The following NRIP1 variants were observed in gnomAD, a reference collection of about 807,000 sequenced individuals.
NRIP1 encodes nuclear receptor interacting protein 1.
NRIP1 carries 28 observed loss-of-function variants against 75.0 expected under a neutral mutation model. The observed-to-expected ratio is 0.37, with a 90% CI of 0.28 to 0.51. NRIP1 has a LOEUF of 0.51. NRIP1 is among the 20% of genes least tolerant of loss of function. The pLI is 0.92. For synonymous variants in NRIP1, 526 were observed against 487.6 expected, an observed-to-expected ratio of 1.08 and a Z score of -1.04; for missense variants, 1,435 against 1,343.7, an observed-to-expected ratio of 1.07 and a Z score of -1.06.
At chr21:15,051,142 T>C (rs969939009) in intron 1 of NRIP1, 6 of 341,110 alleles carry the variant, frequency 1.8e-5, no homozygotes, top group African/African-American at 1.3e-4. Context: ...ACTGGGGCTT[T>C]CTCATGTGGC....
intron 1 of NRIP1, among the ~76,000 whole-genome samples, chr21:15,055,304 T>A (rs1023312772): frequency 2.6e-5 from 4 of 152,214 alleles, no homozygotes; most frequent in Non-Finnish European, 5.9e-5. Flanking sequence ...CAACTAAAGG[T>A]ATCTGGCTCT....
chr21:14,965,836 G>A lies in NRIP1; in HGVS notation c.2357C>T (p.Pro786Leu). ...AKSAPFLGMA[P>L]AVQRSAPALP... ...GGCAGGTGCGCTTCTCTGCACAGCAGGAGCCATACCCAAGAATGGGGCACT... is the reference window on the plus strand; with the variant it reads ...GGCAGGTGCGCTTCTCTGCACAGCAAGAGCCATACCCAAGAATGGGGCACT... The change falls in exon 4 of 4, where the codon CCT becomes CTT. Residue 786 changes from proline (P) to leucine (L), a missense_variant. Transcript: ENST00000318948. The A allele has an allele frequency of 6.2e-7, 1 of 1,614,002 alleles. No homozygotes were observed. Among genetic ancestry groups the A allele is most frequent in the Non-Finnish European group, 8.5e-7 (1 of 1,179,962 alleles).
At chr21:15,048,632 A>G (rs1253974272) in intron 1 of NRIP1, among the ~76,000 whole-genome samples, 1 of 152,232 alleles carries the variant, frequency 6.6e-6, no homozygotes, top group Non-Finnish European at 1.5e-5. Flanking sequence ...AAACATTACC[A>G]AATCATTTTA....
intron 2 of NRIP1, among the ~76,000 whole-genome samples, chr21:15,016,213 G>T (rs2088223574): frequency 6.6e-6 from 1 of 152,190 alleles, no homozygotes; most frequent in Non-Finnish European, 1.5e-5. Flanking sequence ...CCAAATTATA[G>T]ATCTTGGACT....
intron 1 of NRIP1, among the ~76,000 whole-genome samples, chr21:15,049,597 A>C (rs2089160040): frequency 6.6e-6 from 1 of 152,134 alleles, no homozygotes; most frequent in Non-Finnish European, 1.5e-5. Flanking sequence ...ATATTAGTAC[A>C]TATGCAGACT....
intron 2 of NRIP1, among the ~76,000 whole-genome samples, chr21:15,026,850 C>T (rs2088533052): frequency 6.6e-6 from 1 of 151,920 alleles, no homozygotes; most frequent in African/African-American, 2.4e-5. Flanking sequence ...GTTGAAAAAA[C>T]AAGTCTCATA....
At chr21:15,005,672 G>A (rs1001642906) in intron 3 of NRIP1, among the ~76,000 whole-genome samples, 2 of 152,182 alleles carry the variant, frequency 1.3e-5, no homozygotes, top group African/African-American at 4.8e-5. Context: ...GCCAGTGTGA[G>A]AAGCAAAATT....
chr21:14,980,387 T>A (rs2147008568), intron 3 of NRIP1, among the ~76,000 whole-genome samples: 1 of 152,024 alleles, frequency 6.6e-6, no homozygotes, highest in Non-Finnish European at 1.5e-5. Flanking sequence ...GGCACGAGAA[T>A]CGCTTAAACC....
At chr21:14,981,938 G>A (rs1002126744) in intron 3 of NRIP1, among the ~76,000 whole-genome samples, 8 of 147,910 alleles carry the variant, frequency 5.4e-5, no homozygotes, top group East Asian at 4.0e-4. Flanking sequence ...CACAACCTCC[G>A]ACTCCCCAGG....
At chr21:15,012,656 C>T (rs1409612366) in intron 3 of NRIP1, among the ~76,000 whole-genome samples, 2 of 151,920 alleles carry the variant, frequency 1.3e-5, no homozygotes, top group African/African-American at 4.8e-5. Flanking sequence ...TTTCACCATA[C>T]TGGTCAGGCT....
chr21:15,029,201 C>T (rs1232425650), intron 2 of NRIP1, among the ~76,000 whole-genome samples: 2 of 152,158 alleles, frequency 1.3e-5, no homozygotes, highest in South Asian at 2.1e-4. Flanking sequence ...ACTGCTGAAG[C>T]GATTCTGCTA....
intron 1 of NRIP1, among the ~76,000 whole-genome samples, chr21:15,064,176 CG>C (rs1978616416): frequency 6.6e-6 from 1 of 152,244 alleles, no homozygotes; most frequent in African/African-American, 2.4e-5. Context: ...GCTGAGGCCT[CG>C]GGTCCGTGAG....
chr21:15,029,814 A>G (rs2088602105), intron 2 of NRIP1, among the ~76,000 whole-genome samples: 1 of 122,442 alleles, frequency 8.2e-6, no homozygotes, highest in Non-Finnish European at 1.7e-5. Flanking sequence ...CCTGTCTCCA[A>G]TAAAGGAAAA....
At chr21:15,029,619 C>A (rs188635973) in intron 2 of NRIP1, among the ~76,000 whole-genome samples, 84 of 152,190 alleles carry the variant, frequency 5.5e-4, no homozygotes, top group African/African-American at 1.8e-3. Flanking sequence ...GTTCTATCCC[C>A]AGGACTTAGA....
chr21:15,058,916 A>G (rs989891008), intron 1 of NRIP1, among the ~76,000 whole-genome samples: 1 of 152,210 alleles, frequency 6.6e-6, no homozygotes, highest in African/African-American at 2.4e-5. Flanking sequence ...TAGCTAGATA[A>G]GAAAGTAAAA....
At chr21:15,056,763 TA>T (rs2089317140) in intron 1 of NRIP1, among the ~76,000 whole-genome samples, 2 of 152,230 alleles carry the variant, frequency 1.3e-5, no homozygotes, top group Non-Finnish European at 2.9e-5. Context: ...CACGTCTTAT[TA>T]TTCATCTTTG....
At chr21:15,015,583 G>A (rs563370908) in intron 2 of NRIP1, among the ~76,000 whole-genome samples, 9 of 151,846 alleles carry the variant, frequency 5.9e-5, no homozygotes, top group South Asian at 2.1e-4. Context: ...GCCATAAAAC[G>A]TCAAAATGAA....
In NRIP1 at chr21:14,964,958, C is replaced by A. The variant is rs140803495; in HGVS notation, c.3235G>T (p.Val1079Phe). Residue 1079 changes from valine to phenylalanine, a missense_variant, in exon 4 of 4, where the codon GTT (valine) becomes TTT (phenylalanine). Physicochemically the swap from Val to Phe is conservative, Grantham distance 50. Coordinates refer to ENST00000318948, the MANE Select transcript of NRIP1 (RefSeq NM_003489.4). Reference protein sequence around the residue: ...YYMLQKGGNSVTSRETQDKDI... With the variant: ...YYMLQKGGNSFTSRETQDKDI... Reference sequence around the variant, plus strand: ...TTGTCTTGTGTTTCTCGACTGGTAACAGAATTGCCTCCTTTTTGAAGCATG... The same window carrying A: ...TTGTCTTGTGTTTCTCGACTGGTAAAAGAATTGCCTCCTTTTTGAAGCATG... 1,009 of 1,613,840 alleles carry A rather than the reference C, an allele frequency of 6.3e-4. 4 individuals are homozygous for A. The highest frequency in any genetic ancestry group is 7.8e-4 in the Non-Finnish European group (925 of 1,179,910).
chr21:15,004,995 T>A (rs1013916505), intron 3 of NRIP1, among the ~76,000 whole-genome samples: 1 of 152,220 alleles, frequency 6.6e-6, no homozygotes, highest in Non-Finnish European at 1.5e-5. Context: ...GAGATAGATG[T>A]CATGGGGAGA....
Sources: allele counts gnomAD v4.1 joint callset (sites outside exome capture counted in the v4.1 genomes callset), GRCh38; gene constraint gnomAD v4.1.1; transcripts MANE v1.5; gene names NCBI Gene and HGNC (gene_info 2026-07-23, HGNC 2026-07-21).